REDIC1: variants seen among roughly 807,000 people sequenced by gnomAD.
REDIC1 encodes regulator of DNA class I crossover intermediates 1.
chr12:39,737,210 C>T, the REDIC1 span, among the ~76,000 whole-genome samples: 1 of 152,192 alleles, frequency 6.6e-6, no homozygotes, highest in Non-Finnish European at 1.5e-5. Flanking sequence ...ATGCACCTGG[C>T]TCTTTTAAAG....
the REDIC1 span, among the ~76,000 whole-genome samples, chr12:39,717,196 C>T: frequency 2.7e-5 from 4 of 150,894 alleles, no homozygotes; most frequent in Non-Finnish European, 5.9e-5. Context: ...TACAGTTTGT[C>T]ATTGAACAAT....
chr12:39,771,910 C>T, the REDIC1 span, among the ~76,000 whole-genome samples: 1 of 152,060 alleles, frequency 6.6e-6, no homozygotes, highest in Non-Finnish European at 1.5e-5. Context: ...AGTCTAGACC[C>T]AGTATCTCCT....
At chr12:39,847,815 A>C in the REDIC1 span, among the ~76,000 whole-genome samples, 2 of 152,144 alleles carry the variant, frequency 1.3e-5, no homozygotes, top group Admixed American at 6.5e-5. Flanking sequence ...ATGCTTAAAA[A>C]ATATTTTGGC....
At chr12:39,831,629 G>C in the REDIC1 span, among the ~76,000 whole-genome samples, 1 of 152,210 alleles carries the variant, frequency 6.6e-6, no homozygotes, top group African/African-American at 2.4e-5. Context: ...CAAAGTTGGA[G>C]GTAGGGCCTG....
the REDIC1 span, among the ~76,000 whole-genome samples, chr12:39,703,849 G>T: frequency 2.0e-5 from 3 of 152,130 alleles, no homozygotes; most frequent in African/African-American, 7.2e-5. Flanking sequence ...TTAATAAATG[G>T]TGCTGGGAAA....
chr12:39,829,475 C>T, the REDIC1 span: 1 of 88,446 alleles, frequency 1.1e-5, no homozygotes, highest in African/African-American at 5.6e-5. Flanking sequence ...GGTTTGATCT[C>T]AGCTCACTGC....
At chr12:39,713,845 A>G in the REDIC1 span, among the ~76,000 whole-genome samples, 5 of 148,442 alleles carry the variant, frequency 3.4e-5, no homozygotes, top group Non-Finnish European at 6.0e-5. Context: ...ACACGTATAT[A>G]TATGCATATA....
chr12:39,781,526 A>G, the REDIC1 span, among the ~76,000 whole-genome samples: 3 of 152,204 alleles, frequency 2.0e-5, no homozygotes, highest in Non-Finnish European at 2.9e-5. Flanking sequence ...CATTTTCACC[A>G]TTTCACAAAT....
the REDIC1 span, among the ~76,000 whole-genome samples, chr12:39,904,608 G>T: frequency 6.6e-6 from 1 of 152,068 alleles, no homozygotes; most frequent in African/African-American, 2.4e-5. Context: ...TATCCACACA[G>T]ATGTTGCAGA....
chr12:39,750,095 G>T, the REDIC1 span, among the ~76,000 whole-genome samples: 4 of 151,832 alleles, frequency 2.6e-5, no homozygotes, highest in Non-Finnish European at 5.9e-5. Flanking sequence ...AAGAAATAAA[G>T]TGTATTCAAT....
chr12:39,676,989 G>T, the REDIC1 span, among the ~76,000 whole-genome samples: 3 of 148,072 alleles, frequency 2.0e-5, 1 homozygote, highest in South Asian at 6.4e-4. Context: ...CCTCCTTAAA[G>T]CAGAAATCTC....
chr12:39,730,922 CT>C, the REDIC1 span, among the ~76,000 whole-genome samples: 1 of 152,094 alleles, frequency 6.6e-6, no homozygotes, highest in African/African-American at 2.4e-5. Context: ...CTCTGATAGA[CT>C]TTTTTTCTGC....
the REDIC1 span, among the ~76,000 whole-genome samples, chr12:39,869,112 AAGTAT>A: frequency 6.6e-6 from 1 of 152,222 alleles, no homozygotes; most frequent in Admixed American, 6.5e-5. Flanking sequence ...TTAAAATGTC[AAGTAT>A]ATATCTACAT....
At chr12:39,711,482 T>C in the REDIC1 span, among the ~76,000 whole-genome samples, 11 of 144,036 alleles carry the variant, frequency 7.6e-5, no homozygotes, top group Admixed American at 2.8e-4. Flanking sequence ...TATGTATGTG[T>C]ATATATGTAT....
At chr12:39,697,695 T>G in the REDIC1 span, among the ~76,000 whole-genome samples, 1 of 152,154 alleles carries the variant, frequency 6.6e-6, no homozygotes, top group Non-Finnish European at 1.5e-5. Flanking sequence ...CAGCTTAAAA[T>G]CATGAGTTCT....
At chr12:39,889,819 C>A in the REDIC1 span, among the ~76,000 whole-genome samples, 216 of 152,196 alleles carry the variant, frequency 1.4e-3, no homozygotes, top group African/African-American at 5.1e-3. Flanking sequence ...TGTGAGCCAC[C>A]AGGCCTGGCC....
the REDIC1 span, among the ~76,000 whole-genome samples, chr12:39,891,545 G>A: frequency 0.023 from 3,563 of 152,114 alleles, 133 homozygotes; most frequent in African/African-American, 0.079. Flanking sequence ...TAAATTCTAG[G>A]AGTCGTGAAA....
the REDIC1 span, among the ~76,000 whole-genome samples, chr12:39,863,345 C>T: frequency 0.99 from 150,227 of 152,254 alleles, 74,138 homozygotes; most frequent in Middle Eastern, 1. Context: ...ATGTAAATCA[C>T]TAAAAACTTA....
the REDIC1 span, among the ~76,000 whole-genome samples, chr12:39,804,140 A>G: frequency 6.6e-6 from 1 of 152,188 alleles, no homozygotes; most frequent in African/African-American, 2.4e-5. Flanking sequence ...AAAACACTAA[A>G]TATCTTATTT....
Sources: gnomAD v4.1 joint callset for allele counts (sites outside exome capture counted in the v4.1 genomes callset) on GRCh38, gnomAD v4.1.1 for gene constraint, MANE v1.5 for transcripts, NCBI Gene and HGNC (gene_info 2026-07-23, HGNC 2026-07-21) for gene names.